Variants in GPC3 observed in about 807,000 individuals in gnomAD.
GPC3 encodes the protein glypican-3.
In GPC3, 3 loss-of-function variants were observed where a neutral mutation model predicts 34.4. The observed-to-expected ratio is 0.09, with a 90% CI of 0.04 to 0.23. GPC3 has a LOEUF of 0.23. GPC3 is among the 10% of genes least tolerant of loss of function. The probability of loss-of-function intolerance (pLI) is 1.00; values close to 1 mark genes in which losing one functional copy is unlikely to be tolerated. For synonymous variants in GPC3, 177 were observed against 174.0 expected, an observed-to-expected ratio of 1.02 and a Z score of -0.13; for missense variants, 351 against 445.6, an observed-to-expected ratio of 0.79 and a Z score of 1.91.
intron 1 of GPC3, among the ~76,000 whole-genome samples, chrX:133,962,532 T>C (rs878929326): frequency 9.0e-6 from 1 of 111,726 alleles, no homozygotes; most frequent in African/African-American, 3.3e-5. Context: ...ACATCATTGA[T>C]TATTTAGATG....
At chrX:133,555,906 G>C (rs1284093200) in intron 7 of GPC3, among the ~76,000 whole-genome samples, 3 of 109,765 alleles carry the variant, frequency 2.7e-5, no homozygotes, top group African/African-American at 9.9e-5. Flanking sequence ...TCCCTTAACT[G>C]CCCCTCCTCC....
intron 2 of GPC3, among the ~76,000 whole-genome samples, chrX:133,920,547 T>C (rs1426569128): frequency 8.9e-6 from 1 of 111,848 alleles, no homozygotes; most frequent in East Asian, 2.8e-4. Context: ...ATTATACATA[T>C]TAACAATCAC....
At chrX:133,777,856 G>C (rs949123043) in intron 2 of GPC3, among the ~76,000 whole-genome samples, 1 of 111,453 alleles carries the variant, frequency 9.0e-6, no homozygotes. Context: ...ATCAAAGCTC[G>C]TCAATTCACA....
At chrX:133,586,901 G>A (rs1353895304) in intron 7 of GPC3, among the ~76,000 whole-genome samples, 1 of 111,111 alleles carries the variant, frequency 9.0e-6, no homozygotes, top group Non-Finnish European at 1.9e-5. Context: ...AATATATACT[G>A]ATCAGATCAG....
intron 1 of GPC3, among the ~76,000 whole-genome samples, chrX:133,980,070 G>A (rs1166487726): frequency 8.9e-6 from 1 of 112,081 alleles, no homozygotes; most frequent in Admixed American, 9.5e-5. Context: ...GAAAGGTCTA[G>A]CTGACAATAA....
intron 1 of GPC3, among the ~76,000 whole-genome samples, chrX:133,984,278 CCT>C (rs920241865): frequency 8.8e-6 from 1 of 113,470 alleles, no homozygotes; most frequent in Non-Finnish European, 1.9e-5. Flanking sequence ...TCAGTGCACC[CCT>C]GACAAATTAA....
At chrX:133,647,295 G>A (rs1019552751) in intron 6 of GPC3, among the ~76,000 whole-genome samples, 2 of 112,534 alleles carry the variant, frequency 1.8e-5, no homozygotes, top group African/African-American at 6.5e-5. Flanking sequence ...CTGAAGATAC[G>A]GTGGTGAGTG....
intron 2 of GPC3, among the ~76,000 whole-genome samples, chrX:133,785,578 A>T (rs746897981): frequency 8.9e-6 from 1 of 112,087 alleles, no homozygotes; most frequent in East Asian, 2.8e-4. Context: ...ATCTCAACAA[A>T]TTATATCTAA....
rs182202843 is a variant in GPC3, at chrX:133,761,741, A to T, written c.338-7565T>A. Among the ~76,000 whole-genome samples the T allele has an allele frequency of 5.1e-4, 57 of 111,802 alleles. No individual in the cohort carries two copies. In the East Asian group the frequency reaches 7.9e-3, roughly 15 times the overall value. ...ATGTATGAGTCTGCAACAATTGACC[A>T]ACTCATTAGCCCAACTAGCTCTTCT... On this transcript the variant is annotated intron_variant, in intron 2 of 7. Coordinates refer to ENST00000370818, the MANE Select transcript of GPC3 (RefSeq NM_004484.4).
intron 2 of GPC3, among the ~76,000 whole-genome samples, chrX:133,832,262 G>A (rs2075778927): frequency 9.1e-6 from 1 of 110,308 alleles, no homozygotes; most frequent in Non-Finnish European, 1.9e-5. Context: ...CCTGGGTGAT[G>A]GAGTGAGCCT....
intron 7 of GPC3, among the ~76,000 whole-genome samples, chrX:133,595,791 A>C (rs1263497459): frequency 9.0e-6 from 1 of 111,570 alleles, no homozygotes; most frequent in African/African-American, 3.3e-5. Flanking sequence ...CTGCGATTAC[A>C]AGCATGAACA....
chrX:133,758,404 A>T (rs1046268997), intron 2 of GPC3, among the ~76,000 whole-genome samples: 1 of 111,702 alleles, frequency 9.0e-6, no homozygotes, highest in African/African-American at 3.3e-5. Flanking sequence ...TTCCAGGAAC[A>T]TGAATGGAGC....
Position 133,985,559 on chromosome X carries a change from T to C in GPC3, c.-110A>G. On this transcript the variant is annotated 5_prime_UTR_variant, in exon 1 of 8. Coordinates refer to ENST00000370818, the MANE Select transcript of GPC3 (RefSeq NM_004484.4). ...CCCTGAGGAGCAAGAGACGTGCTGC[T>C]ACCCAGCCGCTGCAAAAGTTTCCTC... is the stretch of plus-strand genomic sequence containing the variant. The C allele has an allele frequency of 2.7e-6, 2 of 749,926 alleles. No individual in the cohort carries two copies. The highest frequency in any genetic ancestry group is 5.1e-5 in the South Asian group (2 of 39,361). 61.8% of individuals were successfully genotyped at this position (749,926 alleles called of 1,213,427 possible).
Position 133,967,477 on chromosome X carries a change from G to A in GPC3, c.176-14266C>T, listed in dbSNP as rs754411151. 1.3e-4 allele frequency among the ~76,000 whole-genome samples: 14 copies of A among 111,987 alleles called. No homozygotes were observed. In the East Asian group the frequency reaches 1.4e-3, roughly 11 times the overall value. On this transcript the variant is annotated intron_variant, in intron 1 of 7. Transcript: ENST00000370818. ...GCACCAGGAGGGCTCTAGATCAAGC[G>A]GAATGAACCAAGCCTGGATCCAGAG...
rs1407868533 is a variant in GPC3, at chrX:133,749,665, C to T, written c.1032+3817G>A. Among the ~76,000 whole-genome samples, 6 of 111,409 alleles carry T rather than the reference C, an allele frequency of 5.4e-5. No homozygotes were observed. The East Asian group carries it at 1.1e-3, about 21-fold the overall frequency. ...CTCATGTCATGGCTTAAAGCCAGCT[C>T]GAAAGGATATCCCAGCAGAGCTCAG... On this transcript the variant is annotated intron_variant, in intron 3 of 7. Transcript: ENST00000370818.
intron 2 of GPC3, among the ~76,000 whole-genome samples, chrX:133,841,398 T>C (rs1010538089): frequency 9.4e-6 from 1 of 106,496 alleles, no homozygotes; most frequent in Non-Finnish European, 1.9e-5. Flanking sequence ...CAGTGTGACA[T>C]TTGCCCACAC....
At chrX:133,740,615 G>A (rs1161034613) in intron 3 of GPC3, among the ~76,000 whole-genome samples, 2 of 111,371 alleles carry the variant, frequency 1.8e-5, no homozygotes, top group African/African-American at 6.5e-5. Context: ...AAGCAGTTGA[G>A]TAAATCAGAA....
At chrX:133,716,751 G>T (rs1026680803) in intron 3 of GPC3, among the ~76,000 whole-genome samples, 1 of 111,350 alleles carries the variant, frequency 9.0e-6, no homozygotes, top group Non-Finnish European at 1.9e-5. Context: ...AAAGAAAAAG[G>T]CAGAAAGAGT....
intron 6 of GPC3, among the ~76,000 whole-genome samples, chrX:133,633,118 T>C (rs1393144865): frequency 8.9e-6 from 1 of 111,933 alleles, no homozygotes; most frequent in Non-Finnish European, 1.9e-5. Flanking sequence ...TTTAATGTCA[T>C]TTCTCCAGTA....
Sources: gnomAD v4.1 joint callset for allele counts (sites outside exome capture counted in the v4.1 genomes callset) on GRCh38, gnomAD v4.1.1 for gene constraint, MANE v1.5 for transcripts, NCBI Gene and HGNC (gene_info 2026-07-23, HGNC 2026-07-21) for gene names.